GPR39: variants seen among roughly 807,000 people sequenced by gnomAD.
GPR39 encodes the protein G protein-coupled receptor 39.
In GPR39, 23 loss-of-function variants were observed where a neutral mutation model predicts 18.4. That is an observed-to-expected ratio of 1.25 (90% CI 0.90 to 1.77). GPR39 has a LOEUF of 1.77. Among genes scored for constraint, GPR39 ranks in the 40% most tolerant of loss-of-function variants. GPR39 has a pLI of 0.00. For missense variants in GPR39, 647 were observed against 602.4 expected, an observed-to-expected ratio of 1.07 and a Z score of -0.78; for synonymous variants, 280 against 257.9, an observed-to-expected ratio of 1.09 and a Z score of -0.82.
At chr2:132,470,549 G>A (rs566469492) in intron 1 of GPR39, among the ~76,000 whole-genome samples, 38 of 152,264 alleles carry the variant, frequency 2.5e-4, no homozygotes, top group Non-Finnish European at 4.9e-4. Context: ...TCTGTTGGCC[G>A]CTGTAAGGAT....
At chr2:132,438,573 C>CTTTTTTTTTTT (rs35614907) in intron 1 of GPR39, among the ~76,000 whole-genome samples, 91 of 97,738 alleles carry the variant, frequency 9.3e-4, no homozygotes, top group East Asian at 1.7e-3. Flanking sequence ...TGTCAGCAAG[C>CTTTTTTTTTTT]TTTTTTTTTT....
chr2:132,622,122 A>T (rs1443609384), intron 1 of GPR39, among the ~76,000 whole-genome samples: 4 of 152,186 alleles, frequency 2.6e-5, no homozygotes, highest in Non-Finnish European at 5.9e-5. Flanking sequence ...GGCAGGGTGC[A>T]GTGGCTTATG....
At chr2:132,526,678 T>C (rs1679520614) in intron 1 of GPR39, among the ~76,000 whole-genome samples, 1 of 152,168 alleles carries the variant, frequency 6.6e-6, no homozygotes, top group Non-Finnish European at 1.5e-5. Flanking sequence ...CTCTGGACTT[T>C]CTCTGCTGCC....
At chr2:132,580,542 G>A (rs1008481950) in intron 1 of GPR39, among the ~76,000 whole-genome samples, 4 of 152,176 alleles carry the variant, frequency 2.6e-5, no homozygotes, top group African/African-American at 9.7e-5. Context: ...TACTGGCCAT[G>A]GTACAATAAG....
chr2:132,433,737 G>A (rs1056780248), intron 1 of GPR39: 1 of 147,884 alleles, frequency 6.8e-6, no homozygotes, highest in Non-Finnish European at 1.5e-5. Context: ...AAAGTGTGAG[G>A]TTGTCATGCC....
intron 1 of GPR39, among the ~76,000 whole-genome samples, chr2:132,607,548 G>A (rs1305065758): frequency 1.3e-5 from 2 of 152,146 alleles, no homozygotes; most frequent in Admixed American, 1.3e-4. Flanking sequence ...CCTTGAGGGA[G>A]GTTCTCTCCT....
intron 1 of GPR39, among the ~76,000 whole-genome samples, chr2:132,565,895 T>C (rs1680342536): frequency 6.6e-6 from 1 of 150,794 alleles, no homozygotes; most frequent in Non-Finnish European, 1.5e-5. Flanking sequence ...GCATGATTTA[T>C]AGTCATTTGG....
intron 1 of GPR39, among the ~76,000 whole-genome samples, chr2:132,630,933 G>T (rs769500055): frequency 6.6e-6 from 1 of 152,194 alleles, no homozygotes; most frequent in African/African-American, 2.4e-5. Context: ...ATGTCCCATT[G>T]TAGGTATAGA....
chr2:132,595,535 C>T (rs556630399), intron 1 of GPR39, among the ~76,000 whole-genome samples: 21 of 152,254 alleles, frequency 1.4e-4, no homozygotes, highest in African/African-American at 3.9e-4. Flanking sequence ...TCAGCACCCC[C>T]ACATCCCCAC....
intron 1 of GPR39, among the ~76,000 whole-genome samples, chr2:132,600,256 A>T (rs1188558820): frequency 6.6e-6 from 1 of 152,242 alleles, no homozygotes; most frequent in East Asian, 1.9e-4. Flanking sequence ...AAACAGTGGT[A>T]AGAGGGAAGT....
At chr2:132,611,509 C>T (rs1455863680) in intron 1 of GPR39, among the ~76,000 whole-genome samples, 1 of 152,088 alleles carries the variant, frequency 6.6e-6, no homozygotes, top group African/African-American at 2.4e-5. Context: ...AGATACTAAA[C>T]TATTTGCATA....
chr2:132,554,490 T>C (rs1374530990), intron 1 of GPR39, among the ~76,000 whole-genome samples: 1 of 152,144 alleles, frequency 6.6e-6, no homozygotes, highest in East Asian at 1.9e-4. Context: ...ATGAGGGGAT[T>C]TATGTAGATA....
At chr2:132,565,728 A>T (rs1680339551) in intron 1 of GPR39, among the ~76,000 whole-genome samples, 1 of 143,552 alleles carries the variant, frequency 7.0e-6, no homozygotes, top group South Asian at 2.4e-4. Context: ...AAGGACATGA[A>T]CTCATCATTT....
intron 1 of GPR39, among the ~76,000 whole-genome samples, chr2:132,586,876 A>G (rs2104828243): frequency 6.6e-6 from 1 of 152,292 alleles, no homozygotes; most frequent in South Asian, 2.1e-4. Context: ...TCTTCAGGAA[A>G]TGGAGATAGT....
chr2:132,429,946 G>A (rs887767998), intron 1 of GPR39, among the ~76,000 whole-genome samples: 4 of 152,234 alleles, frequency 2.6e-5, no homozygotes. Flanking sequence ...AGTAGACTGA[G>A]TTAAATATGG....
intron 1 of GPR39, among the ~76,000 whole-genome samples, chr2:132,606,612 A>G (rs560636440): frequency 2.0e-5 from 3 of 152,334 alleles, no homozygotes; most frequent in African/African-American, 7.2e-5. Flanking sequence ...TGCTGTCTGC[A>G]GTTGGCTTGT....
chr2:132,574,703 C>G (rs542739968), intron 1 of GPR39, among the ~76,000 whole-genome samples: 38 of 152,310 alleles, frequency 2.5e-4, no homozygotes, highest in African/African-American at 9.1e-4. Context: ...CCACTGCACT[C>G]TAGTCTGGGT....
chr2:132,534,996 T>A (rs78451501), intron 1 of GPR39, among the ~76,000 whole-genome samples: 2 of 149,800 alleles, frequency 1.3e-5, no homozygotes, highest in Non-Finnish European at 3.0e-5. Context: ...TAATAATAAT[T>A]AAAAAAAAAA....
chr2:132,498,872 A>C (rs1681698273), intron 1 of GPR39, among the ~76,000 whole-genome samples: 1 of 152,124 alleles, frequency 6.6e-6, no homozygotes. Context: ...TCTTTTGAGA[A>C]TTGTGTGTTC....
Sources: allele counts gnomAD v4.1 joint callset (sites outside exome capture counted in the v4.1 genomes callset), GRCh38; gene constraint gnomAD v4.1.1; transcripts MANE v1.5; gene names NCBI Gene and HGNC (gene_info 2026-07-23, HGNC 2026-07-21).